Variants in MAP4 observed in about 807,000 individuals in gnomAD.
MAP4 encodes microtubule-associated protein 4.
In MAP4, 76 loss-of-function variants were observed where a neutral mutation model predicts 170.2. That is an observed-to-expected ratio of 0.45 (90% CI 0.37 to 0.54). The LOEUF (loss-of-function observed/expected upper bound fraction) is 0.54, where lower values mean the gene tolerates loss of function less well. Among genes scored for constraint, MAP4 ranks in the 20% least tolerant of loss-of-function variants. MAP4 has a pLI of 0.00. For missense variants in MAP4, 2,506 were observed against 2,748.0 expected, an observed-to-expected ratio of 0.91 and a Z score of 1.97; for synonymous variants, 909 against 994.5, an observed-to-expected ratio of 0.91 and a Z score of 1.62.
Position 48,041,908 on chromosome 3 carries a change from CACAG to C in MAP4, c.-19-43033_-19-43030del, listed in dbSNP as rs759937641. On this transcript the variant is annotated intron_variant, in intron 1 of 18. Coordinates refer to the MAP4 transcript ENST00000360240. ...CAAGACAATGTGGTACTAGTATAAGCACAGACAAAGTCCTGGGAGGGTAGCACAC... is the reference window on the plus strand; with the variant it reads ...CAAGACAATGTGGTACTAGTATAAGCACAAAGTCCTGGGAGGGTAGCACAC... Among the ~76,000 whole-genome samples the C allele has an allele frequency of 7.0e-4, 107 of 152,186 alleles. 1 individual carries two copies. Among genetic ancestry groups the C allele is most frequent in the Middle Eastern group, 3.2e-3 (1 of 316 alleles).
chr3:47,995,703 C>G (rs1171467912), intron 2 of MAP4, among the ~76,000 whole-genome samples: 1 of 152,062 alleles, frequency 6.6e-6, no homozygotes. Flanking sequence ...AAAGCAACGT[C>G]ACTCCCACCC....
At chr3:48,081,155 T>C (rs1293278200) in intron 1 of MAP4, among the ~76,000 whole-genome samples, 1 of 151,560 alleles carries the variant, frequency 6.6e-6, no homozygotes, top group Non-Finnish European at 1.5e-5. Context: ...CCGGGAGTGG[T>C]GGCAGGCGCC....
At chr3:48,061,124 C>G (rs535166328) in intron 1 of MAP4, among the ~76,000 whole-genome samples, 22 of 152,088 alleles carry the variant, frequency 1.4e-4, no homozygotes, top group Non-Finnish European at 3.1e-4. Context: ...GGATTACAGG[C>G]GTGAGCCACC....
At chr3:47,958,367 G>A (rs555401897) in intron 3 of MAP4, among the ~76,000 whole-genome samples, 13 of 152,170 alleles carry the variant, frequency 8.5e-5, no homozygotes, top group Admixed American at 5.9e-4. Flanking sequence ...ATAGGTAACT[G>A]AAGAAAGAAG....
rs189911938 is a variant in MAP4, at chr3:47,886,023, C to T, written c.5435-8500G>A. Among the ~76,000 whole-genome samples the T allele has an allele frequency of 3.8e-3, 580 of 152,294 alleles. 4 individuals are homozygous for T. Among genetic ancestry groups the T allele is most frequent in the African/African-American group, 0.013 (539 of 41,556 alleles). ...GATTACGGGCGTGAGCCACCGCGCC[C>T]GGCTAATGCCTTTGTTCTACAGCAA... On this transcript the variant is annotated intron_variant, in intron 10 of 20. Transcript: ENST00000683076.
At chr3:47,875,465 T>C (rs1431967627) in intron 12 of MAP4, among the ~76,000 whole-genome samples, 1 of 152,202 alleles carries the variant, frequency 6.6e-6, no homozygotes, top group Admixed American at 6.5e-5. Context: ...TTTCCTTTTC[T>C]TTTTTCTTTT....
chr3:47,906,187 C>CT (rs1330278269), intron 9 of MAP4, among the ~76,000 whole-genome samples: 1 of 151,758 alleles, frequency 6.6e-6, no homozygotes, highest in Non-Finnish European at 1.5e-5. Context: ...CAAGGGACAT[C>CT]TCTGTAGGCC....
chr3:47,888,219 C>T (rs2097938828), intron 10 of MAP4, among the ~76,000 whole-genome samples: 1 of 152,220 alleles, frequency 6.6e-6, no homozygotes, highest in African/African-American at 2.4e-5. Context: ...CTCTACCAAT[C>T]AGCAGGATGT....
chr3:47,950,290 G>C (rs2154092716), intron 3 of MAP4, among the ~76,000 whole-genome samples: 1 of 152,242 alleles, frequency 6.6e-6, no homozygotes, highest in South Asian at 2.1e-4. Flanking sequence ...TCTGTTTCCA[G>C]ACTGAACCCT....
chr3:47,950,458 G>A (rs1460159177), intron 3 of MAP4, among the ~76,000 whole-genome samples: 2 of 152,154 alleles, frequency 1.3e-5, no homozygotes, highest in Non-Finnish European at 2.9e-5. Context: ...ATGCAAGATC[G>A]TGGCAATAAT....
intron 17 of MAP4, 101 bp from the exon 18 acceptor site, chr3:47,857,613 C>A: frequency 1.3e-6 from 1 of 783,366 alleles, no homozygotes; most frequent in Non-Finnish European, 2.2e-6. Context: ...GGGTTTCTCG[C>A]TCCCTCTGTA....
chr3:48,062,487 T>A (rs1025696482), intron 1 of MAP4, among the ~76,000 whole-genome samples: 5 of 59,370 alleles, frequency 8.4e-5, no homozygotes, highest in South Asian at 4.5e-4. Flanking sequence ...CACCCAAGAA[T>A]GATCAATAAA....
At chr3:47,959,472 T>G (rs565320446) in intron 3 of MAP4, among the ~76,000 whole-genome samples, 6 of 135,906 alleles carry the variant, frequency 4.4e-5, no homozygotes, top group Non-Finnish European at 7.8e-5. Context: ...AAAAAAAAAA[T>G]GTGGCTGGGC....
intron 5 of MAP4, among the ~76,000 whole-genome samples, chr3:47,921,232 A>T (rs1276343485): frequency 6.6e-6 from 1 of 152,218 alleles, no homozygotes; most frequent in African/African-American, 2.4e-5. Context: ...TCACACCCAC[A>T]GCCCCTAAAT....
At chr3:48,036,900 T>G (rs2100119024) in intron 1 of MAP4, among the ~76,000 whole-genome samples, 1 of 152,156 alleles carries the variant, frequency 6.6e-6, no homozygotes. Context: ...AAAAGATGAC[T>G]ATAAGGCTGA....
intron 1 of MAP4, among the ~76,000 whole-genome samples, chr3:48,022,128 G>A (rs919397392): frequency 1.3e-5 from 2 of 152,114 alleles, no homozygotes; most frequent in Admixed American, 1.3e-4. Flanking sequence ...AGTGGTGCTG[G>A]GTCAACTGGA....
chr3:47,915,086 A>C (rs901749493), intron 7 of MAP4, 147 bp from the exon 8 acceptor site: 5 of 894,802 alleles, frequency 5.6e-6, no homozygotes, highest in Non-Finnish European at 6.9e-6. Flanking sequence ...TGGAAGCTGA[A>C]GTTGGGAAGG....
intron 10 of MAP4, among the ~76,000 whole-genome samples, chr3:47,881,215 T>C (rs1241924531): frequency 2.6e-5 from 4 of 151,588 alleles, no homozygotes; most frequent in Admixed American, 1.3e-4. Flanking sequence ...TTTGGGAGGC[T>C]GAGGCAGAGG....
chr3:47,902,673 CAAAAAAAAA>C lies in MAP4; in HGVS notation c.5434+268_5434+276del, dbSNP rs3051642. 1.9e-3 allele frequency among the ~76,000 whole-genome samples: 50 copies of C among 25,774 alleles called. 1 individual carries two copies. The highest frequency in any genetic ancestry group is 3.3e-3 in the Admixed American group (6 of 1,806). The allele number at this position is 25,774 out of a possible 152,430, so 16.9% of individuals were successfully genotyped here. On this transcript the variant is annotated intron_variant, in intron 10 of 20. Transcript: ENST00000683076. The stretch of plus-strand genomic sequence containing the variant: ...TGGGCGACAGAGGGAGACTCTGTCT[CAAAAAAAAA>C]AAAAAAAAAAAAAAAAAAGAAGCCA...
Sources: gnomAD v4.1 joint callset for allele counts (sites outside exome capture counted in the v4.1 genomes callset) on GRCh38, gnomAD v4.1.1 for gene constraint, MANE v1.5 for transcripts, NCBI Gene and HGNC (gene_info 2026-07-23, HGNC 2026-07-21) for gene names.